Variants in CLMP observed in about 807,000 individuals in gnomAD.
CLMP encodes CXADR-like membrane protein.
Under a neutral mutation model 45.2 loss-of-function variants are expected in CLMP, and 27 were observed. The ratio of observed to expected loss-of-function variants is 0.60; its 90% CI spans 0.44 to 0.82. The LOEUF (loss-of-function observed/expected upper bound fraction) is 0.82, where lower values mean the gene tolerates loss of function less well. CLMP is among the 40% of genes least tolerant of loss of function. The pLI, the probability that CLMP is intolerant of heterozygous loss-of-function variation, is 0.00. For missense variants in CLMP, 403 were observed against 448.4 expected, an observed-to-expected ratio of 0.90 and a Z score of 0.91; for synonymous variants, 167 against 171.4, an observed-to-expected ratio of 0.97 and a Z score of 0.20.
rs1393172772 is a variant in CLMP at position 123,194,961 on chromosome 11, G to T, written c.-21C>A. On this transcript the variant is annotated 5_prime_UTR_variant, in exon 1 of 7. Coordinates refer to ENST00000448775, the MANE Select transcript of CLMP (RefSeq NM_024769.5). ...GACATCCCGATCCCCGGACGCGGGC[G>T]CTTCCCCGCTCAGCTGCTGCTTGGC... 5.0e-6 allele frequency: 8 copies of T among 1,610,944 alleles called. No homozygotes were observed. The highest frequency in any genetic ancestry group is 3.3e-5 in the Admixed American group (2 of 59,788).
chr11:123,118,991 TTCTTTCTTTCTCTCTCTCTCTCTCTC>T, intron 1 of CLMP, among the ~76,000 whole-genome samples: 1 of 26,006 alleles, frequency 3.8e-5, no homozygotes, highest in African/African-American at 1.7e-4. Context: ...CTTTCTTTCT[TTCTTTCTTTCTCTCTCTCTCTCTCTC>T]TCTCTCTCTC....
chr11:123,098,066 G>A (rs548082929), intron 1 of CLMP, 114 bp from the exon 2 acceptor site: 11 of 813,970 alleles, frequency 1.4e-5, no homozygotes, highest in Admixed American at 1.3e-4. Flanking sequence ...CATGTGGAGG[G>A]GTTGCAAGAG....
chr11:123,131,321 G>A (rs764577532), intron 1 of CLMP, among the ~76,000 whole-genome samples: 5 of 150,750 alleles, frequency 3.3e-5, no homozygotes, highest in African/African-American at 4.9e-5. Context: ...TAGCCACAAA[G>A]ATTAGAAAAA....
At chr11:123,170,920 A>T (rs1861624377) in intron 1 of CLMP, among the ~76,000 whole-genome samples, 1 of 152,206 alleles carries the variant, frequency 6.6e-6, no homozygotes, top group Non-Finnish European at 1.5e-5. Context: ...AACCAAGACG[A>T]ATGAGTCTCA....
At chr11:123,110,758 G>C (rs1173281426) in intron 1 of CLMP, among the ~76,000 whole-genome samples, 6 of 152,184 alleles carry the variant, frequency 3.9e-5, no homozygotes, top group Admixed American at 6.6e-5. Context: ...TGGGGAAAAG[G>C]AGTGAGGGAA....
intron 2 of CLMP, among the ~76,000 whole-genome samples, chr11:123,085,794 GAGAT>G (rs1865859432): frequency 2.0e-5 from 2 of 102,036 alleles, no homozygotes; most frequent in Non-Finnish European, 4.1e-5. Flanking sequence ...TTTTTTTTTT[GAGAT>G]AGAGTCTCAC....
chr11:123,193,938 AT>A (rs1460268255), intron 1 of CLMP, among the ~76,000 whole-genome samples: 2 of 151,988 alleles, frequency 1.3e-5, no homozygotes, highest in Non-Finnish European at 2.9e-5. Context: ...TGGCTCTTTG[AT>A]TTTCTGATCT....
At chr11:123,140,796 G>C (rs1310393965) in intron 1 of CLMP, among the ~76,000 whole-genome samples, 1 of 152,106 alleles carries the variant, frequency 6.6e-6, no homozygotes, top group Non-Finnish European at 1.5e-5. Flanking sequence ...CCCCCGATAT[G>C]ATTTAGATGT....
At chr11:123,114,004 A>G (rs548635129) in intron 1 of CLMP, among the ~76,000 whole-genome samples, 6 of 152,318 alleles carry the variant, frequency 3.9e-5, no homozygotes, top group African/African-American at 1.4e-4. Context: ...CGAGACTCTC[A>G]GAGATCCAGA....
At chr11:123,137,750 T>C (rs1049478552) in intron 1 of CLMP, among the ~76,000 whole-genome samples, 23 of 152,062 alleles carry the variant, frequency 1.5e-4, no homozygotes, top group African/African-American at 5.6e-4. Flanking sequence ...AAGAAGTCAG[T>C]TGGGCGCCCC....
chr11:123,116,855 T>A (rs979662924), intron 1 of CLMP, among the ~76,000 whole-genome samples: 21 of 152,132 alleles, frequency 1.4e-4, no homozygotes, highest in African/African-American at 5.1e-4. Context: ...GCAGAATAAG[T>A]GAGAATTGTA....
chr11:123,133,162 G>A (rs529278883), intron 1 of CLMP, among the ~76,000 whole-genome samples: 1 of 152,274 alleles, frequency 6.6e-6, no homozygotes, highest in East Asian at 1.9e-4. Context: ...AATGACATCA[G>A]TATAGAATCC....
chr11:123,115,784 A>G (rs1004420653), intron 1 of CLMP, among the ~76,000 whole-genome samples: 10 of 152,140 alleles, frequency 6.6e-5, no homozygotes, highest in Non-Finnish European at 8.8e-5. Context: ...TATGTATATT[A>G]TATTTTATAT....
intron 1 of CLMP, among the ~76,000 whole-genome samples, chr11:123,134,845 C>CA (rs1322068669): frequency 1.3e-5 from 2 of 151,998 alleles, no homozygotes; most frequent in Non-Finnish European, 2.9e-5. Context: ...GTGAGCTTGT[C>CA]AGTGTGCCAG....
chr11:123,182,970 T>A (rs945181950), intron 1 of CLMP, among the ~76,000 whole-genome samples: 1 of 152,224 alleles, frequency 6.6e-6, no homozygotes, highest in African/African-American at 2.4e-5. Context: ...AGCAAAGCCA[T>A]AACATATAAA....
At chr11:123,090,163 A>G (rs111295957) in intron 2 of CLMP, among the ~76,000 whole-genome samples, 9,959 of 151,714 alleles carry the variant, frequency 0.066, 388 homozygotes, top group Admixed American at 0.13. Context: ...AAAAAACGCT[A>G]GGCTGGGCAT....
rs148993916 is a variant in CLMP at position 123,070,858 on chromosome 11, T to G, written c.*2616A>C. The G allele has an allele frequency of 9.8e-4, 150 of 152,330 alleles. 1 individual carries two copies. Among genetic ancestry groups the G allele is most frequent in the African/African-American group, 3.4e-3 (143 of 41,578 alleles). The allele number at this position is 152,330 out of a possible 1,614,324, so 9.4% of individuals were successfully genotyped here. On this transcript the variant is annotated 3_prime_UTR_variant, in exon 7 of 7. Transcript: ENST00000448775. ...CCATAGCAGACATTTATATGTTAAT[T>G]CCTCAATGTCTCATTTCCCACCTTT...
At chr11:123,192,467 G>A (rs2135555132) in intron 1 of CLMP, among the ~76,000 whole-genome samples, 1 of 152,314 alleles carries the variant, frequency 6.6e-6, no homozygotes, top group East Asian at 1.9e-4. Flanking sequence ...TACTCGGGTA[G>A]CAGTGTGCAG....
At chr11:123,176,342 C>T (rs912907899) in intron 1 of CLMP, among the ~76,000 whole-genome samples, 1 of 152,140 alleles carries the variant, frequency 6.6e-6, no homozygotes, top group Non-Finnish European at 1.5e-5. Flanking sequence ...TTGAGAAACA[C>T]TCATTTAGGC....
Sources: allele counts gnomAD v4.1 joint callset (sites outside exome capture counted in the v4.1 genomes callset), GRCh38; gene constraint gnomAD v4.1.1; transcripts MANE v1.5; gene names NCBI Gene and HGNC (gene_info 2026-07-23, HGNC 2026-07-21).